The following TBC1D22A variants were observed in gnomAD, a reference collection of about 807,000 sequenced individuals.
TBC1D22A encodes putative GTPase activator.
TBC1D22A carries 38 observed loss-of-function variants against 60.2 expected under a neutral mutation model. That is an observed-to-expected ratio of 0.63 (90% CI 0.49 to 0.83). TBC1D22A has a LOEUF of 0.83. Ranked by LOEUF, TBC1D22A falls within the 40% of genes least tolerant of loss-of-function variation. The pLI, the probability that TBC1D22A is intolerant of heterozygous loss-of-function variation, is 0.00. For synonymous variants in TBC1D22A, 302 were observed against 281.7 expected (o/e 1.07, Z -0.72); for missense variants, 628 against 701.0 (o/e 0.90, Z 1.18).
intron 11 of TBC1D22A, among the ~76,000 whole-genome samples, chr22:47,083,535 C>G (rs998457672): frequency 4.6e-5 from 7 of 152,246 alleles, no homozygotes; most frequent in Non-Finnish European, 1.0e-4. Context: ...GGGGAGAACC[C>G]TCTAAATAAA....
At chr22:46,794,563 TG>T (rs2084568372) in intron 3 of TBC1D22A, among the ~76,000 whole-genome samples, 1 of 152,180 alleles carries the variant, frequency 6.6e-6, no homozygotes, top group Admixed American at 6.5e-5. Flanking sequence ...TTTCAGAGCT[TG>T]GGAGACCCCA....
At chr22:46,764,886 T>C (rs1217668442) in intron 1 of TBC1D22A, among the ~76,000 whole-genome samples, 2 of 152,172 alleles carry the variant, frequency 1.3e-5, no homozygotes, top group South Asian at 2.1e-4. Context: ...GATGACCACT[T>C]GATTTTGGGT....
At chr22:47,164,508 GC>G (rs2068122124) in intron 12 of TBC1D22A, among the ~76,000 whole-genome samples, 1 of 152,256 alleles carries the variant, frequency 6.6e-6, no homozygotes, top group African/African-American at 2.4e-5. Flanking sequence ...CCTTGGCATG[GC>G]CTGTGTGTCG....
chr22:46,812,568 C>T (rs139561888), intron 4 of TBC1D22A, among the ~76,000 whole-genome samples: 1 of 152,228 alleles, frequency 6.6e-6, no homozygotes, highest in East Asian at 1.9e-4. Flanking sequence ...CCTGTGGGGA[C>T]TGCCGCCTTT....
chr22:47,141,591 C>T (rs2067087206), intron 12 of TBC1D22A, among the ~76,000 whole-genome samples: 1 of 152,228 alleles, frequency 6.6e-6, no homozygotes, highest in African/African-American at 2.4e-5. Context: ...GTCGGCTGCC[C>T]TGACTTTCCT....
At chr22:47,144,610 G>C (rs2067223670) in intron 12 of TBC1D22A, among the ~76,000 whole-genome samples, 1 of 152,382 alleles carries the variant, frequency 6.6e-6, no homozygotes, top group Admixed American at 6.5e-5. Flanking sequence ...TCCAGAGTCA[G>C]TGCCCACCAC....
intron 8 of TBC1D22A, among the ~76,000 whole-genome samples, chr22:46,946,966 G>A (rs1228518936): frequency 6.6e-6 from 1 of 152,174 alleles, no homozygotes; most frequent in Admixed American, 6.5e-5. Flanking sequence ...CAGTCCAGTT[G>A]TATAATTTCA....
chr22:47,019,724 A>G (rs2062017816), intron 10 of TBC1D22A, among the ~76,000 whole-genome samples: 1 of 151,960 alleles, frequency 6.6e-6, no homozygotes, highest in African/African-American at 2.4e-5. Flanking sequence ...CCCGGAAGGT[A>G]TGCTAGGATG....
intron 12 of TBC1D22A, among the ~76,000 whole-genome samples, chr22:47,141,483 C>T (rs1266522632): frequency 6.6e-6 from 1 of 152,210 alleles, no homozygotes; most frequent in Non-Finnish European, 1.5e-5. Context: ...GCAGTTGTCC[C>T]CAGATCAGAG....
At chr22:47,032,999 G>GCTGCTCTTCCCCAAGTAGCCAA (rs2062532384) in intron 10 of TBC1D22A, among the ~76,000 whole-genome samples, 1 of 152,246 alleles carries the variant, frequency 6.6e-6, no homozygotes, top group African/African-American at 2.4e-5. Flanking sequence ...TGTCGTCCTG[G>GCTGCTCTTCCCCAAGTAGCCAA]CTGCTCTTCC....
intron 9 of TBC1D22A, among the ~76,000 whole-genome samples, chr22:46,992,761 C>G (rs1255114821): frequency 1.3e-5 from 2 of 152,192 alleles, no homozygotes; most frequent in Non-Finnish European, 2.9e-5. Flanking sequence ...GCAGCTGTGA[C>G]AGGAGGCTTC....
intron 1 of TBC1D22A, among the ~76,000 whole-genome samples, chr22:46,779,946 G>A (rs551075318): frequency 2.0e-5 from 3 of 152,326 alleles, no homozygotes; most frequent in African/African-American, 7.2e-5. Context: ...GTTGACCCTC[G>A]GGGTGGGCAC....
At chr22:47,133,473 G>A (rs780288690) in intron 12 of TBC1D22A, among the ~76,000 whole-genome samples, 2 of 152,204 alleles carry the variant, frequency 1.3e-5, no homozygotes, top group African/African-American at 2.4e-5. Flanking sequence ...TGAAAGGGCC[G>A]CCTGTGGGGG....
At chr22:47,003,551 TAC>T (rs2061469238) in intron 10 of TBC1D22A, among the ~76,000 whole-genome samples, 1 of 88,702 alleles carries the variant, frequency 1.1e-5, no homozygotes. Flanking sequence ...CATGCCTGTA[TAC>T]ACACACCCTA....
intron 9 of TBC1D22A, among the ~76,000 whole-genome samples, chr22:46,975,073 G>A (rs1346668990): frequency 6.6e-6 from 1 of 152,208 alleles, no homozygotes; most frequent in Non-Finnish European, 1.5e-5. Flanking sequence ...TCAGGAATGA[G>A]GACTGGAGCC....
At chr22:47,027,990 C>T (rs916255731) in intron 10 of TBC1D22A, among the ~76,000 whole-genome samples, 17 of 152,128 alleles carry the variant, frequency 1.1e-4, no homozygotes, top group Non-Finnish European at 1.9e-4. Flanking sequence ...GAAGCGGCTC[C>T]GTCATCTGCA....
At chr22:46,942,026 T>TTATA (rs75052846) in intron 8 of TBC1D22A, among the ~76,000 whole-genome samples, 56 of 137,400 alleles carry the variant, frequency 4.1e-4, no homozygotes, top group African/African-American at 9.8e-4. Flanking sequence ...TATATATATA[T>TTATA]TATATATATA....
Position 47,040,967 on chromosome 22 carries a change from C to T in TBC1D22A, c.1329+3769C>T, listed in dbSNP as rs536541621. 5.9e-5 allele frequency among the ~76,000 whole-genome samples: 9 copies of T among 152,238 alleles called. No individual in the cohort carries two copies. The South Asian group carries it at 1.2e-3, about 21-fold the overall frequency. On this transcript the variant is annotated intron_variant, in intron 11 of 12. Transcript: ENST00000337137. ...TTCAGGGCTGCGGGTACACCTGAAACGGTTACTTACGCTGCTTTAGAATGG... is the reference window on the plus strand; with the variant it reads ...TTCAGGGCTGCGGGTACACCTGAAATGGTTACTTACGCTGCTTTAGAATGG...
intron 4 of TBC1D22A, among the ~76,000 whole-genome samples, chr22:46,804,958 T>G (rs1193239102): frequency 6.6e-6 from 1 of 152,230 alleles, no homozygotes; most frequent in African/African-American, 2.4e-5. Flanking sequence ...ATTGTGCGAC[T>G]GTGGTATTTT....
Sources: allele counts gnomAD v4.1 joint callset (sites outside exome capture counted in the v4.1 genomes callset), GRCh38; gene constraint gnomAD v4.1.1; transcripts MANE v1.5; gene names NCBI Gene and HGNC (gene_info 2026-07-23, HGNC 2026-07-21).